Variants in GLRA3 observed in about 807,000 individuals in gnomAD.
The protein encoded by GLRA3 is glycine receptor subunit alpha-3.
Under a neutral mutation model 60.4 loss-of-function variants are expected in GLRA3, and 44 were observed. The ratio of observed to expected loss-of-function variants is 0.73; its 90% CI spans 0.57 to 0.94. The LOEUF is 0.94. Ranked by LOEUF, GLRA3 falls within the 40% of genes least tolerant of loss-of-function variation. GLRA3 has a pLI of 0.00. For missense variants in GLRA3, 508 were observed against 564.6 expected (o/e 0.90, Z 1.02); for synonymous variants, 223 against 192.9 (o/e 1.16, Z -1.29).
chr4:174,807,950 A>G (rs545618494), intron 1 of GLRA3, among the ~76,000 whole-genome samples: 1 of 152,264 alleles, frequency 6.6e-6, no homozygotes, highest in African/African-American at 2.4e-5. Context: ...AGCTGATCCA[A>G]CTTAGAAAGT....
intron 3 of GLRA3, among the ~76,000 whole-genome samples, chr4:174,734,018 T>TC (rs1352442014): frequency 6.6e-6 from 1 of 150,978 alleles, no homozygotes; most frequent in East Asian, 1.9e-4. Flanking sequence ...CAATAGACTT[T>TC]CTTTTTTTTT....
chr4:174,656,933 A>G, intron 8 of GLRA3, 146 bp from the exon 9 acceptor site: 1 of 528,600 alleles, frequency 1.9e-6, no homozygotes, highest in East Asian at 2.9e-5. Context: ...CACATATGCA[A>G]AGTATCTACC....
At chr4:174,708,261 A>G (rs1735584733) in intron 5 of GLRA3, among the ~76,000 whole-genome samples, 1 of 152,188 alleles carries the variant, frequency 6.6e-6, no homozygotes, top group East Asian at 1.9e-4. Flanking sequence ...TAGCTAATTT[A>G]GCATAAATTC....
At chr4:174,720,369 G>T (rs1036150238) in intron 4 of GLRA3, among the ~76,000 whole-genome samples, 1 of 152,150 alleles carries the variant, frequency 6.6e-6, no homozygotes, top group African/African-American at 2.4e-5. Context: ...AACAACTTTA[G>T]TGCCTATTGT....
At chr4:174,731,878 C>T (rs1011250265) in intron 3 of GLRA3, among the ~76,000 whole-genome samples, 16 of 152,012 alleles carry the variant, frequency 1.1e-4, no homozygotes, top group African/African-American at 3.1e-4. Context: ...ATTGCAAATA[C>T]CCAAGAAGTA....
intron 5 of GLRA3, among the ~76,000 whole-genome samples, chr4:174,698,420 C>T (rs1735152616): frequency 6.6e-6 from 1 of 152,058 alleles, no homozygotes; most frequent in South Asian, 2.1e-4. Flanking sequence ...AACTCCTGGG[C>T]TCAAGAAATC....
chr4:174,764,660 AT>A (rs2111231691), intron 3 of GLRA3, among the ~76,000 whole-genome samples: 1 of 152,244 alleles, frequency 6.6e-6, no homozygotes, highest in African/African-American at 2.4e-5. Context: ...AATTAAAAAA[AT>A]ACAGCAATAG....
intron 5 of GLRA3, among the ~76,000 whole-genome samples, chr4:174,686,156 T>C (rs1263121104): frequency 2.6e-5 from 4 of 152,216 alleles, no homozygotes; most frequent in Non-Finnish European, 5.9e-5. Context: ...TAAGAGGCCA[T>C]GGTTGGGGGC....
At chr4:174,644,769 A>G (rs1732752673) in intron 9 of GLRA3, among the ~76,000 whole-genome samples, 1 of 152,144 alleles carries the variant, frequency 6.6e-6, no homozygotes, top group Non-Finnish European at 1.5e-5. Context: ...ATTTATTACT[A>G]TGTTCTTCTA....
chr4:174,642,393 A>C lies in GLRA3; in HGVS notation c.*1393T>G, dbSNP rs1238415406. On this transcript the variant is annotated 3_prime_UTR_variant, in exon 10 of 10. Coordinates refer to ENST00000274093, the MANE Select transcript of GLRA3 (RefSeq NM_006529.4). ...GACTGAGTTTGTGCATCTGACCAAT[A>C]ATTAAAATACCTAAAAAGCATTCCA... 2.1e-6 allele frequency: 2 copies of C among 966,648 alleles called. No individual in the cohort carries two copies. The highest frequency in any genetic ancestry group is 1.2e-4 in the Admixed American group (2 of 16,184). The allele number at this position is 966,648 out of a possible 1,614,324, so 59.9% of individuals were successfully genotyped here. A position where few individuals can be genotyped will look rare whatever the true frequency, so the allele number is the denominator to read the frequency against.
intron 1 of GLRA3, among the ~76,000 whole-genome samples, chr4:174,804,763 A>C (rs1739967045): frequency 6.6e-6 from 1 of 152,182 alleles, no homozygotes; most frequent in Non-Finnish European, 1.5e-5. Flanking sequence ...TACTGCTTCT[A>C]CAGTGAAATT....
intron 9 of GLRA3, among the ~76,000 whole-genome samples, chr4:174,649,038 T>C (rs1171277391): frequency 2.0e-5 from 3 of 152,106 alleles, no homozygotes; most frequent in African/African-American, 7.2e-5. Flanking sequence ...GGCACTGACA[T>C]AGGTTGCTAA....
At chr4:174,672,615 GC>G (rs1733952626) in intron 7 of GLRA3, among the ~76,000 whole-genome samples, 2 of 152,016 alleles carry the variant, frequency 1.3e-5, no homozygotes, top group African/African-American at 4.8e-5. Context: ...CACAGAGGGA[GC>G]AGATCTGAAA....
chr4:174,667,474 T>A (rs1246395231), intron 7 of GLRA3, among the ~76,000 whole-genome samples: 3 of 152,114 alleles, frequency 2.0e-5, no homozygotes, highest in African/African-American at 7.2e-5. Flanking sequence ...TGTCAATTAA[T>A]TAGGGTATGA....
intron 3 of GLRA3, among the ~76,000 whole-genome samples, chr4:174,745,402 T>C (rs894605202): frequency 5.9e-5 from 9 of 152,094 alleles, no homozygotes; most frequent in African/African-American, 2.2e-4. Flanking sequence ...GAGAAAAGCA[T>C]CTAGTCACCC....
chr4:174,802,405 G>T (rs562417069), intron 1 of GLRA3, among the ~76,000 whole-genome samples: 2 of 152,034 alleles, frequency 1.3e-5, no homozygotes, highest in Non-Finnish European at 2.9e-5. Flanking sequence ...ACTACATCCA[G>T]ATAATGAACA....
chr4:174,786,894 A>C (rs975878871), intron 2 of GLRA3, among the ~76,000 whole-genome samples: 3 of 152,076 alleles, frequency 2.0e-5, no homozygotes, highest in African/African-American at 7.2e-5. Context: ...GGGGTGTAAG[A>C]ATGAATTTTA....
At chr4:174,741,577 TTTAA>T (rs1343089197) in intron 3 of GLRA3, among the ~76,000 whole-genome samples, 1 of 149,192 alleles carries the variant, frequency 6.7e-6, no homozygotes, top group Non-Finnish European at 1.5e-5. Flanking sequence ...AATAAAGGTG[TTTAA>T]TTATGATAAA....
At chr4:174,718,959 C>CTTTTTTTTTTT (rs10656765) in intron 4 of GLRA3, among the ~76,000 whole-genome samples, 7 of 81,064 alleles carry the variant, frequency 8.6e-5, no homozygotes, top group African/African-American at 1.5e-4. Context: ...AGATTTCGTG[C>CTTTTTTTTTTT]TTTTTTTTTT....
Sources: allele counts gnomAD v4.1 joint callset (sites outside exome capture counted in the v4.1 genomes callset), GRCh38; gene constraint gnomAD v4.1.1; transcripts MANE v1.5; gene names NCBI Gene and HGNC (gene_info 2026-07-23, HGNC 2026-07-21).